Variants in SH2D3A observed in about 807,000 individuals in gnomAD.
The protein encoded by SH2D3A is SH2 domain containing 3A.
In SH2D3A, 46 loss-of-function variants were observed where a neutral mutation model predicts 50.6. The observed-to-expected ratio is 0.91, with a 90% CI of 0.72 to 1.16. The LOEUF (loss-of-function observed/expected upper bound fraction) is 1.16, where lower values mean the gene tolerates loss of function less well. SH2D3A is among the 50% of genes most tolerant of loss of function. SH2D3A has a pLI of 0.00. For synonymous variants in SH2D3A, 377 were observed against 348.4 expected (o/e 1.08, Z -0.91); for missense variants, 783 against 786.2 (o/e 1.00, Z 0.05).
In SH2D3A at chr19:6,752,519, G is replaced by T; in HGVS notation, c.*74C>A. 1 of 1,346,370 alleles carries T rather than the reference G, an allele frequency of 7.4e-7. No individual in the cohort carries two copies. The highest frequency in any genetic ancestry group is 1.6e-5 in the South Asian group (1 of 62,082). The allele number at this position is 1,346,370 out of a possible 1,614,324, so 83.4% of individuals were successfully genotyped here. A position where few individuals can be genotyped will look rare whatever the true frequency, so the allele number is the denominator to read the frequency against. On this transcript the variant is annotated 3_prime_UTR_variant, in exon 10 of 10. Transcript: ENST00000245908. ...TCCACCTGAGGCGCGAGGAGCCTGG[G>T]ACGACTCCTTTGGTCTCTTCTGGGG...
chr19:6,752,767 C>T lies in SH2D3A; in HGVS notation c.1571-14G>A, dbSNP rs1969390869. 9 of 1,519,422 alleles carry T rather than the reference C, an allele frequency of 5.9e-6. 1 individual carries two copies. The South Asian group carries it at 9.7e-5, about 16-fold the overall frequency. The allele number at this position is 1,519,422 out of a possible 1,614,324, so 94.1% of individuals were successfully genotyped here. A position where few individuals can be genotyped will look rare whatever the true frequency, so the allele number is the denominator to read the frequency against. ...TAGGCCGGAATCCTGGAAGCAAGGTCAGGTGGGCTGGGGGCGGGGCCCAGG... is the reference window on the plus strand; with the variant it reads ...TAGGCCGGAATCCTGGAAGCAAGGTTAGGTGGGCTGGGGGCGGGGCCCAGG... On this transcript the variant is annotated splice_polypyrimidine_tract_variant and intron_variant, in intron 9 of 9. Transcript: ENST00000245908.
chr19:6,756,141 T>C (rs1175164038), intron 4 of SH2D3A, among the ~76,000 whole-genome samples: 1 of 148,054 alleles, frequency 6.8e-6, no homozygotes, highest in East Asian at 1.9e-4. Context: ...TCTATAGAGA[T>C]AGATATATAT....
intron 3 of SH2D3A, among the ~76,000 whole-genome samples, chr19:6,760,061 A>G (rs1417916056): frequency 1.9e-4 from 29 of 151,908 alleles, no homozygotes; most frequent in Admixed American, 1.9e-3. Context: ...CAACATGGTG[A>G]AACCCTGTCT....
At chr19:6,763,590 T>A in intron 2 of SH2D3A, 90 bp downstream of exon 2, 1 of 1,257,340 alleles carries the variant, frequency 8.0e-7, no homozygotes, top group Non-Finnish European at 1.1e-6. Flanking sequence ...ACCTTGGCAC[T>A]AAGTCCCTCA....
At chr19:6,766,501 A>G (rs1208543829) in intron 1 of SH2D3A, among the ~76,000 whole-genome samples, 1 of 152,224 alleles carries the variant, frequency 6.6e-6, no homozygotes, top group African/African-American at 2.4e-5. Flanking sequence ...TTGGATCATA[A>G]ACATGTGTCC....
In SH2D3A at chr19:6,763,695, G is replaced by A; in HGVS notation, c.54C>T (p.Gly18=). The A allele has an allele frequency of 6.2e-7, 1 of 1,612,580 alleles. No homozygotes were observed. The highest frequency in any genetic ancestry group is 8.5e-7 in the Non-Finnish European group (1 of 1,179,632). Residue 18 remains glycine (G), a synonymous_variant, in exon 2 of 10, where the codon GGC becomes GGT. Coordinates refer to ENST00000245908, the MANE Select transcript of SH2D3A (RefSeq NM_005490.3). ...TGGGTGGTACCTGGCGGGACAGGAGGCCGTGGTACCAAGGTTGGCCAGCAA... is the reference window on the plus strand; with the variant it reads ...TGGGTGGTACCTGGCGGGACAGGAGACCGTGGTACCAAGGTTGGCCAGCAA... ...EDLAGQPWYH[G]LLSRQKAEAL... is the part of the protein sequence containing the mutation.
chr19:6,759,513 G>T, intron 4 of SH2D3A, 81 bp downstream of exon 4: 1 of 1,255,912 alleles, frequency 8.0e-7, no homozygotes, highest in Non-Finnish European at 1.2e-6. Flanking sequence ...TCGAAGAGGT[G>T]CCTGCACCTG....
Position 6,760,864 on chromosome 19 carries a change from C to A in SH2D3A, c.193G>T (p.Val65Leu). Residue 65 changes from valine (V) to leucine (L), a missense_variant, in exon 3 of 10, where the codon GTG becomes TTG. Transcript: ENST00000245908. Reference protein sequence around the residue: ...GSALHFEVFRVALRPRPGRPT... With the variant: ...GSALHFEVFRLALRPRPGRPT... ...CGGCCTGGCCGGGGACGCAGGGCCA[C>A]ACGGAACACCTCAAAATGGAGGGCT... The A allele has an allele frequency of 1.9e-6, 3 of 1,614,228 alleles. No individual in the cohort carries two copies. Among genetic ancestry groups the A allele is most frequent in the Admixed American group, 1.7e-5 (1 of 60,016 alleles).
At position 6,753,596 on chromosome 19, in the gene SH2D3A, A is replaced by G; in HGVS notation, c.1430T>C (p.Met477Thr). 3 of 1,591,412 alleles carry G rather than the reference A, an allele frequency of 1.9e-6. No individual in the cohort carries two copies. Among genetic ancestry groups the G allele is most frequent in the Non-Finnish European group, 8.5e-7 (1 of 1,170,042 alleles). ...TTCCTCGCCCTCCAGTAGGCGAACCATGGGTGCCACGTGCGGCAGCGCCAC... is the reference window on the plus strand; with the variant it reads ...TTCCTCGCCCTCCAGTAGGCGAACCGTGGGTGCCACGTGCGGCAGCGCCAC... ...GEVALPHVAP[M>T]VRLLEGEEVA... The change falls in exon 9 of 10, where the codon ATG becomes ACG. Residue 477 changes from methionine to threonine, a missense_variant. Met to Thr is a moderately conservative substitution (Grantham distance 81). Transcript: ENST00000245908.
At position 6,760,805 on chromosome 19, in the gene SH2D3A, T is replaced by C. The variant is rs775222907; in HGVS notation, c.252A>G (p.Gln84=). The C allele has an allele frequency of 5.6e-6, 9 of 1,614,196 alleles. No individual in the cohort carries two copies. The highest frequency in any genetic ancestry group is 1.3e-5 in the African/African-American group (1 of 75,050). The change falls in exon 3 of 10, where the codon CAA becomes CAG. Residue 84 remains glutamine, a synonymous_variant. Transcript: ENST00000245908. ...GAACCAGAGCCGGTATGCTGGGGAA[T>C]TGCTCATCCTCCAGTTGAAAGAGGG... ...PTALFQLEDE[Q]FPSIPALVHS...
intron 1 of SH2D3A, 48 bp from the exon 2 acceptor site, chr19:6,763,864 C>A: frequency 2.0e-6 from 1 of 494,236 alleles, no homozygotes; most frequent in Non-Finnish European, 3.4e-6. Flanking sequence ...GGGTCAGCTC[C>A]TTTCATCCTC....
Position 6,754,268 on chromosome 19 carries a change from C to T in SH2D3A, c.1255G>A (p.Ala419Thr). The T allele has an allele frequency of 6.3e-7, 1 of 1,594,942 alleles. No individual in the cohort carries two copies. The highest frequency in any genetic ancestry group is 8.5e-7 in the Non-Finnish European group (1 of 1,176,364). The change falls in exon 7 of 10, where the codon GCC (alanine) becomes ACC (threonine). Residue 419 changes from alanine to threonine, a missense_variant. Ala to Thr is a moderately conservative substitution (Grantham distance 58). Coordinates refer to ENST00000245908, the MANE Select transcript of SH2D3A (RefSeq NM_005490.3). Reference protein sequence around the residue: ...DLPGLAAVMGALLMPQVSRLE... With the variant: ...DLPGLAAVMGTLLMPQVSRLE... ...CCACGAACCTGGGGCATGAGCAGGG[C>T]GCCCATGACTGCAGCCAGCCCGGGC...
Position 6,754,628 on chromosome 19 carries a change from T to G in SH2D3A, c.1085A>C (p.Glu362Ala), listed in dbSNP as rs755879134. 1.7e-5 allele frequency: 27 copies of G among 1,614,034 alleles called. No homozygotes were observed. The highest frequency in any genetic ancestry group is 6.7e-5 in the Admixed American group (4 of 60,008). Residue 362 changes from glutamate to alanine, a missense_variant, in exon 6 of 10, where the codon GAA becomes GCA. Physicochemically the swap from Glu to Ala is moderately radical, Grantham distance 107. Transcript: ENST00000245908. ...GCTGCTGGCTCACCTCTCCAGCAGT[T>G]CCAACCTCAAGTGGTGTCCATGGGG... ...TLPHGHHLRL[E>A]LLERHQTLAL...
At chr19:6,761,833 C>T (rs1356467192) in intron 2 of SH2D3A, among the ~76,000 whole-genome samples, 1 of 151,742 alleles carries the variant, frequency 6.6e-6, no homozygotes, top group African/African-American at 2.4e-5. Context: ...CCTGTCATTC[C>T]AGCTACTCAG....
At chr19:6,761,058 C>A (rs189692747) in intron 2 of SH2D3A, 71 bp from the exon 3 acceptor site, 43 of 1,204,248 alleles carry the variant, frequency 3.6e-5, no homozygotes, top group Admixed American at 1.7e-4. Context: ...TAGCTCCCCC[C>A]ACCATTGCCC....
rs1430808594 is a variant in SH2D3A at position 6,754,927 on chromosome 19, C to A, written c.885G>T (p.Arg295=). ...APSCLLGPQN[R]PLEPQVLHTL... is the part of the protein sequence containing the mutation. ...TATGCAGGACTTGGGGTTCCAGGGG[C>A]CGATTCTGGGGGCCCAGCAGGCAGG... The change falls in exon 5 of 10, where the codon CGG becomes CGT. Residue 295 remains arginine, a synonymous_variant. Coordinates refer to ENST00000245908, the MANE Select transcript of SH2D3A (RefSeq NM_005490.3). The A allele has an allele frequency of 3.7e-6, 6 of 1,612,574 alleles. No individual in the cohort carries two copies. In the Admixed American group the frequency reaches 8.3e-5, roughly 22 times the overall value.
At chr19:6,759,026 G>C (rs1264604928) in intron 4 of SH2D3A, 1 of 152,438 alleles carries the variant, frequency 6.6e-6, no homozygotes, top group Non-Finnish European at 1.5e-5. Flanking sequence ...GGAGGGCTGT[G>C]TGACCAGCAT....
intron 8 of SH2D3A, 67 bp from the exon 9 acceptor site, chr19:6,753,708 T>C (rs1969467452): frequency 2.8e-6 from 4 of 1,408,934 alleles, no homozygotes; most frequent in South Asian, 2.9e-5. Flanking sequence ...AGGTGGAACC[T>C]AGGACAAATG....
At chr19:6,756,115 A>C (rs1036822293) in intron 4 of SH2D3A, among the ~76,000 whole-genome samples, 1 of 149,060 alleles carries the variant, frequency 6.7e-6, no homozygotes, top group Non-Finnish European at 1.5e-5. Context: ...TAAGTGATAT[A>C]TCTCTCTATA....
Sources: allele counts gnomAD v4.1 joint callset (sites outside exome capture counted in the v4.1 genomes callset), GRCh38; gene constraint gnomAD v4.1.1; transcripts MANE v1.5; gene names NCBI Gene and HGNC (gene_info 2026-07-23, HGNC 2026-07-21).